The following MCF2L2 variants were observed in gnomAD, a reference collection of about 807,000 sequenced individuals.
The protein encoded by MCF2L2 is probable guanine nucleotide exchange factor MCF2L2.
Under a neutral mutation model 150.2 loss-of-function variants are expected in MCF2L2, and 102 were observed. The observed-to-expected ratio is 0.68, with a 90% confidence interval of 0.58 to 0.80. The LOEUF (loss-of-function observed/expected upper bound fraction) is 0.80, where lower values mean the gene tolerates loss of function less well. MCF2L2 is among the 30% of genes least tolerant of loss of function. The pLI is 0.00. For missense variants in MCF2L2, 1,256 were observed against 1,372.8 expected (o/e 0.91, Z 1.34); for synonymous variants, 465 against 491.3 (o/e 0.95, Z 0.71).
intron 20 of MCF2L2, among the ~76,000 whole-genome samples, chr3:183,220,522 T>C (rs1016781183): frequency 6.6e-6 from 1 of 152,210 alleles, no homozygotes; most frequent in Non-Finnish European, 1.5e-5. Flanking sequence ...ACTATAATAA[T>C]GATAATAACT....
chr3:183,409,515 C>T (rs1347614694), intron 1 of MCF2L2, among the ~76,000 whole-genome samples: 1 of 150,012 alleles, frequency 6.7e-6, no homozygotes, highest in East Asian at 1.9e-4. Flanking sequence ...CAACTTGTGA[C>T]ACTAAAAGGC....
intron 15 of MCF2L2, among the ~76,000 whole-genome samples, chr3:183,239,309 A>G (rs1218070554): frequency 2.0e-5 from 3 of 152,148 alleles, no homozygotes; most frequent in African/African-American, 7.2e-5. Context: ...AAATGGAGGT[A>G]TAATGTGTTT....
chr3:183,361,436 TTCCCC>T (rs773987214), intron 3 of MCF2L2, among the ~76,000 whole-genome samples: 2 of 152,208 alleles, frequency 1.3e-5, no homozygotes, highest in East Asian at 1.9e-4. Context: ...GGGGGCAGAT[TTCCCC>T]CTTGCTGTTC....
In MCF2L2 at chr3:183,227,043, C is replaced by G. The variant is rs1290004008; in HGVS notation, c.2115+1254G>C. ...GGAGGCTTTGTTTGCTTCCAGTTAT[C>G]ATAAGTATTGCTCTCAGCCTCAGTC... On this transcript the variant is annotated intron_variant, in intron 18 of 29. Coordinates refer to ENST00000328913, the MANE Select transcript of MCF2L2 (RefSeq NM_015078.4). This position sits in a 1 kb window ranked among gnomAD's most constrained non-coding sequence, Gnocchi z 4.0. 1 of 152,134 alleles carries G rather than the reference C, an allele frequency of 6.6e-6. No homozygotes were observed. Among genetic ancestry groups the G allele is most frequent in the African/African-American group, 2.4e-5 (1 of 41,422 alleles). The allele number at this position is 152,134 out of a possible 1,614,324, so 9.4% of individuals were successfully genotyped here.
chr3:183,279,926 G>A (rs142312166), intron 14 of MCF2L2, among the ~76,000 whole-genome samples: 63 of 152,280 alleles, frequency 4.1e-4, no homozygotes, highest in African/African-American at 1.4e-3. Context: ...CTACTCAGGA[G>A]GCTGAGGCAG....
intron 27 of MCF2L2, 40 bp from the exon 28 acceptor site, chr3:183,180,199 G>GTCCTCCCACCCCACA: frequency 7.6e-7 from 1 of 1,321,076 alleles, no homozygotes; most frequent in Non-Finnish European, 1.1e-6. Flanking sequence ...TCTGTGGGGT[G>GTCCTCCCACCCCACA]GGAGGACATC....
At position 183,300,193 on chromosome 3, in the gene MCF2L2, G is replaced by T. The variant is rs912634426; in HGVS notation, c.1117C>A (p.Pro373Thr). ...GCCAGCAGCTGGGCCTTTTCCAGGG[G>T]CTCCTGCAAAGTGAACACCCACAGC... ...HKKLEEKSQE[P>T]LEKAQLLALV... Residue 373 changes from proline (P) to threonine (T), a missense_variant, in exon 11 of 30, where the codon CCC becomes ACC. Physicochemically the swap from Pro to Thr is conservative, Grantham distance 38 (BLOSUM62 -1). Coordinates refer to ENST00000328913, the MANE Select transcript of MCF2L2 (RefSeq NM_015078.4). 1.9e-6 allele frequency: 3 copies of T among 1,600,394 alleles called. No individual in the cohort carries two copies. Among genetic ancestry groups the T allele is most frequent in the Non-Finnish European group, 1.7e-6 (2 of 1,176,078 alleles).
intron 3 of MCF2L2, 72 bp from the exon 4 acceptor site, chr3:183,341,702 T>C: frequency 9.4e-7 from 1 of 1,069,492 alleles, no homozygotes; most frequent in Non-Finnish European, 1.5e-6. Flanking sequence ...CACAGCAGAA[T>C]ACACCCTGAA....
intron 4 of MCF2L2, among the ~76,000 whole-genome samples, chr3:183,339,124 C>T (rs1426357226): frequency 2.0e-5 from 3 of 151,968 alleles, no homozygotes; most frequent in Non-Finnish European, 4.4e-5. Flanking sequence ...AAAAACAAAG[C>T]AAACCAAACA....
intron 10 of MCF2L2, among the ~76,000 whole-genome samples, chr3:183,308,976 G>A (rs1186913039): frequency 6.6e-6 from 1 of 152,146 alleles, no homozygotes; most frequent in Non-Finnish European, 1.5e-5. Context: ...TTTCAAACAA[G>A]CAGAAAGGAA....
At chr3:183,300,380 T>C (rs561874185) in intron 10 of MCF2L2, among the ~76,000 whole-genome samples, 184 bp from the exon 11 acceptor site, 1 of 152,172 alleles carries the variant, frequency 6.6e-6, no homozygotes, top group African/African-American at 2.4e-5. Flanking sequence ...TGGCCCAGAG[T>C]TGTCCACATG....
intron 23 of MCF2L2, 62 bp from the exon 24 acceptor site, chr3:183,206,276 T>G: frequency 8.6e-7 from 1 of 1,157,836 alleles, no homozygotes. Context: ...AAATAGTCCC[T>G]GTCAATCACT....
Position 183,310,954 on chromosome 3 carries a change from C to G in MCF2L2, c.954G>C (p.Gln318His). The part of the protein sequence containing the change: ...FWSEHHLKLN[Q>H]CLQLQHFEHD... Reference sequence around the variant, plus strand: ...GCTCAAAATGCTGTAGTTGTAGGCACTGGTTAAGCTTCAGATGATGCTCAG... The same window carrying G: ...GCTCAAAATGCTGTAGTTGTAGGCAGTGGTTAAGCTTCAGATGATGCTCAG... The change falls in exon 9 of 30, where the codon CAG becomes CAC. Residue 318 changes from glutamine (Q) to histidine (H), a missense_variant. By Grantham distance (24) the Gln-to-His change is conservative (BLOSUM62 0). Coordinates refer to ENST00000328913, the MANE Select transcript of MCF2L2 (RefSeq NM_015078.4). 6.2e-7 allele frequency: 1 copy of G among 1,614,036 alleles called. No individual in the cohort carries two copies. The highest frequency in any genetic ancestry group is 8.5e-7 in the Non-Finnish European group (1 of 1,179,896).
chr3:183,273,767 A>G (rs777614335), intron 15 of MCF2L2, among the ~76,000 whole-genome samples: 41 of 152,176 alleles, frequency 2.7e-4, no homozygotes, highest in Non-Finnish European at 4.7e-4. Context: ...TTGTCTTACA[A>G]TTGCCTGCAG....
At chr3:183,217,687 A>G (rs1722996259) in intron 21 of MCF2L2, among the ~76,000 whole-genome samples, 2 of 152,130 alleles carry the variant, frequency 1.3e-5, no homozygotes, top group African/African-American at 4.8e-5. Flanking sequence ...TCATATTTCC[A>G]CACTGAATCT....
At position 183,297,071 on chromosome 3, in the gene MCF2L2, T is replaced by C. The variant is rs751498476; in HGVS notation, c.1402A>G (p.Ile468Val). ...TTGACTGTGCCCAGGAATGTCGCAA[T>C]GTCGTTCAAGGCGATATCAACCCCT... Reference protein sequence around the residue: ...REGVDIALNDIATFLGTVKEY... With the variant: ...REGVDIALNDVATFLGTVKEY... The change falls in exon 12 of 30, where the codon ATT becomes GTT. Residue 468 changes from isoleucine to valine, a missense_variant. Ile to Val is a conservative substitution (Grantham distance 29). Coordinates refer to ENST00000328913, the MANE Select transcript of MCF2L2 (RefSeq NM_015078.4). The C allele has an allele frequency of 2.5e-6, 4 of 1,614,178 alleles. No individual in the cohort carries two copies. The East Asian group carries it at 6.7e-5, about 27-fold the overall frequency.
chr3:183,213,495 C>G (rs945669624), intron 22 of MCF2L2, among the ~76,000 whole-genome samples: 3 of 151,578 alleles, frequency 2.0e-5, no homozygotes, highest in Admixed American at 2.0e-4. Flanking sequence ...CTTTATAAAA[C>G]CAGGTTAATA....
chr3:183,345,329 T>C (rs1730857134), intron 3 of MCF2L2, among the ~76,000 whole-genome samples: 1 of 151,898 alleles, frequency 6.6e-6, no homozygotes, highest in Non-Finnish European at 1.5e-5. Flanking sequence ...AGTGGGTAAA[T>C]AACGAAATTA....
chr3:183,379,393 C>T lies in MCF2L2; in HGVS notation c.179G>A (p.Gly60Asp), dbSNP rs766191962. Residue 60 changes from glycine (G) to aspartate (D), a missense_variant, in exon 3 of 30, where the codon GGC becomes GAC. Physicochemically the swap from Gly to Asp is moderately conservative, Grantham distance 94. Transcript: ENST00000328913. ...CTCTGGGAACGTGATGATGGGGGCGCCATCCTCCCCTCGGCCTCCTGCAAC... is the reference window on the plus strand; with the variant it reads ...CTCTGGGAACGTGATGATGGGGGCGTCATCCTCCCCTCGGCCTCCTGCAAC... Reference protein sequence around the residue: ...AILSGGRGEDGAPIITFPEFS... With the variant: ...AILSGGRGEDDAPIITFPEFS... 7 of 1,609,900 alleles carry T rather than the reference C, an allele frequency of 4.3e-6. No homozygotes were observed. In the Admixed American group the frequency reaches 1.2e-4, roughly 27 times the overall value.
Sources: allele counts gnomAD v4.1 joint callset (sites outside exome capture counted in the v4.1 genomes callset), GRCh38; gene constraint gnomAD v4.1.1; non-coding constraint Gnocchi (gnomAD v3.1); transcripts MANE v1.5; gene names NCBI Gene and HGNC (gene_info 2026-07-23, HGNC 2026-07-21).